SENP6: variants seen among roughly 807,000 people sequenced by gnomAD.
SENP6 encodes the protein SUMO specific peptidase 6.
SENP6 carries 41 observed loss-of-function variants against 134.5 expected under a neutral mutation model. The observed-to-expected ratio is 0.30, with a 90% CI of 0.24 to 0.40. The LOEUF (loss-of-function observed/expected upper bound fraction) is 0.40. Among genes scored for constraint, SENP6 ranks in the 10% least tolerant of loss-of-function variants. The pLI is 1.00. For synonymous variants in SENP6, 395 were observed against 429.8 expected (o/e 0.92, Z 1.00); for missense variants, 1,248 against 1,312.5 (o/e 0.95, Z 0.76).
chr6:75,697,440 G>A lies in SENP6; in HGVS notation c.2211G>A (p.Arg737=). 1 of 1,611,848 alleles carries A rather than the reference G, an allele frequency of 6.2e-7. No individual in the cohort carries two copies. Among genetic ancestry groups the A allele is most frequent in the African/African-American group, 1.3e-5 (1 of 74,966 alleles). Residue 737 remains arginine (R), a synonymous_variant, in exon 18 of 24, where the codon CGG becomes CGA. Transcript: ENST00000447266. ...TTTCTTACAGAATACAGCAAAAACG[G>A]CATGGGAGAGTAAAAACATGGACCC... ...ETTNLSIQQK[R]HGRVKTWTRH...
chr6:75,675,913 T>C lies in SENP6; in HGVS notation c.1480T>C (p.Cys494Arg). 6.2e-7 allele frequency: 1 copy of C among 1,611,460 alleles called. No individual in the cohort carries two copies. Among genetic ancestry groups the C allele is most frequent in the Non-Finnish European group, 8.5e-7 (1 of 1,179,020 alleles). The part of the protein sequence containing the change: ...IILNTSDLTK[C>R]EWCNVRKLPV... ...ATTAAATACCTCTGATCTAACTAAA[T>C]GTGAATGGTGTAATGTCCGAAAATT... Residue 494 changes from cysteine to arginine, a missense_variant, in exon 13 of 24, where the codon TGT becomes CGT. Transcript: ENST00000447266.
At chr6:75,637,454 T>C (rs879848921) in intron 5 of SENP6, among the ~76,000 whole-genome samples, 3 of 152,166 alleles carry the variant, frequency 2.0e-5, no homozygotes, top group Non-Finnish European at 4.4e-5. Context: ...ATTCCAAATG[T>C]TAAATTCATA....
intron 3 of SENP6, among the ~76,000 whole-genome samples, chr6:75,631,928 A>G (rs1769141644): frequency 6.6e-6 from 1 of 152,212 alleles, no homozygotes; most frequent in African/African-American, 2.4e-5. Flanking sequence ...AGCATTGATG[A>G]AACCATTCCA....
chr6:75,652,697 A>AAAAAAAG (rs1770983347), intron 7 of SENP6, among the ~76,000 whole-genome samples: 1 of 147,904 alleles, frequency 6.8e-6, no homozygotes, highest in East Asian at 2.4e-4. Flanking sequence ...AAAAAAAAAA[A>AAAAAAAG]AAAAAAGAAA....
At chr6:75,677,291 A>G (rs772698969) in intron 14 of SENP6, 35 bp downstream of exon 14, 1 of 1,365,046 alleles carries the variant, frequency 7.3e-7, no homozygotes, top group African/African-American at 1.5e-5. Flanking sequence ...ATATTCTTAA[A>G]TTGTGGGTAG....
rs989139171 is a variant in SENP6, at chr6:75,678,874, C to G, written c.2022C>G (p.His674Gln). The change falls in exon 16 of 24, where the codon CAC becomes CAG. Residue 674 changes from histidine to glutamine, a missense_variant. Transcript: ENST00000447266. Reference sequence around the variant, plus strand: ...TCTCTGTTACCAATGAGGACCTGCACTGTCTAAATGAAGGAGAATTTTTAA... The same window carrying G: ...TCTCTGTTACCAATGAGGACCTGCAGTGTCTAAATGAAGGAGAATTTTTAA... ...GGISVTNEDL[H>Q]CLNEGEFLND... The G allele has an allele frequency of 6.2e-7, 1 of 1,605,744 alleles. No individual in the cohort carries two copies. Among genetic ancestry groups the G allele is most frequent in the Non-Finnish European group, 8.5e-7 (1 of 1,173,822 alleles).
At chr6:75,668,192 C>T (rs1772394937) in intron 10 of SENP6, among the ~76,000 whole-genome samples, 1 of 152,124 alleles carries the variant, frequency 6.6e-6, no homozygotes, top group South Asian at 2.1e-4. Flanking sequence ...CCCAGGCTGG[C>T]ATTACAGGTG....
chr6:75,667,099 C>T (rs1772300854), intron 10 of SENP6, among the ~76,000 whole-genome samples, 158 bp downstream of exon 10: 1 of 151,974 alleles, frequency 6.6e-6, no homozygotes, highest in South Asian at 2.1e-4. Context: ...AACATTAAGC[C>T]ATATACAAAA....
chr6:75,711,490 T>C, intron 21 of SENP6, 74 bp downstream of exon 21: 1 of 942,852 alleles, frequency 1.1e-6, no homozygotes, highest in South Asian at 2.0e-5. Context: ...GGACAGTTTT[T>C]TTTTTAAATA....
chr6:75,706,731 C>T (rs1285252318), intron 19 of SENP6, among the ~76,000 whole-genome samples: 1 of 152,068 alleles, frequency 6.6e-6, no homozygotes, highest in Non-Finnish European at 1.5e-5. Flanking sequence ...AAATGTTTCA[C>T]AAAAAATCAC....
At chr6:75,615,819 C>G (rs377365832) in intron 1 of SENP6, among the ~76,000 whole-genome samples, 3 of 152,306 alleles carry the variant, frequency 2.0e-5, no homozygotes, top group Non-Finnish European at 4.4e-5. Flanking sequence ...GCGAAGCCTT[C>G]TGAGCCTGAG....
chr6:75,678,227 A>C lies in SENP6; in HGVS notation c.1849-356A>C, dbSNP rs189776599. 26 of 198,064 alleles carry C rather than the reference A, an allele frequency of 1.3e-4. No individual in the cohort carries two copies. In the East Asian group the frequency reaches 3.1e-3, roughly 24 times the overall value. The allele number at this position is 198,064 out of a possible 1,614,324, so 12.3% of individuals were successfully genotyped here. A position where few individuals can be genotyped will look rare whatever the true frequency, so the allele number is the denominator to read the frequency against. On this transcript the variant is annotated intron_variant, in intron 14 of 23. Coordinates refer to ENST00000447266, the MANE Select transcript of SENP6 (RefSeq NM_015571.4). ...CCCTGAGCCTCTGCCCCTACATCTTATAGATTGCCTAGCCATTGAACTAAG... is the reference window on the plus strand; with the variant it reads ...CCCTGAGCCTCTGCCCCTACATCTTCTAGATTGCCTAGCCATTGAACTAAG...
At chr6:75,656,942 C>T (rs1771386715) in intron 7 of SENP6, among the ~76,000 whole-genome samples, 1 of 152,088 alleles carries the variant, frequency 6.6e-6, no homozygotes, top group South Asian at 2.1e-4. Context: ...GAAAATGTGA[C>T]ATAGACATGA....
At position 75,602,564 on chromosome 6, in the gene SENP6, A is replaced by G. The variant is rs2149813901; in HGVS notation, c.40A>G (p.Thr14Ala). The G allele has an allele frequency of 1.9e-6, 3 of 1,551,472 alleles. No individual in the cohort carries two copies. The highest frequency in any genetic ancestry group is 1.4e-5 in the African/African-American group (1 of 73,170). The change falls in exon 1 of 24, where the codon ACT (threonine) becomes GCT (alanine). Residue 14 changes from threonine to alanine, a missense_variant. Coordinates refer to ENST00000447266, the MANE Select transcript of SENP6 (RefSeq NM_015571.4). ...GKSGGSAGEITFLEALARSES... is the reference protein window; with the variant it reads ...GKSGGSAGEIAFLEALARSES... ...GAGCGGCGGTAGCGCAGGGGAGATTACTTTTCTGGAAGGTACGTCTGTTTC... is the reference window on the plus strand; with the variant it reads ...GAGCGGCGGTAGCGCAGGGGAGATTGCTTTTCTGGAAGGTACGTCTGTTTC...
At chr6:75,604,949 T>C (rs952657544) in intron 1 of SENP6, among the ~76,000 whole-genome samples, 2 of 152,058 alleles carry the variant, frequency 1.3e-5, no homozygotes, top group African/African-American at 4.8e-5. Context: ...GGCGCGCGCC[T>C]GTAATCCCAA....
rs200427934 is a variant in SENP6 at position 75,639,381 on chromosome 6, AT to A, written c.459-1295del. Among the ~76,000 whole-genome samples, 1,443 of 152,008 alleles carry A rather than the reference AT, an allele frequency of 9.5e-3. 23 individuals are homozygous for A. Among genetic ancestry groups the A allele is most frequent in the African/African-American group, 0.033 (1,378 of 41,480 alleles). On this transcript the variant is annotated intron_variant, in intron 5 of 23. Transcript: ENST00000447266. ...TTATAATATTCTTTTCCTTTTGAAA[AT>A]TTTTTTTAAATTTGTATATTTTTAA...
At chr6:75,697,620 C>T in intron 18 of SENP6, 103 bp downstream of exon 18, 1 of 759,406 alleles carries the variant, frequency 1.3e-6, no homozygotes, top group Non-Finnish European at 2.2e-6. Flanking sequence ...AAACATCTTT[C>T]TGAAATCTCT....
chr6:75,683,773 A>C (rs1186754738), intron 16 of SENP6, among the ~76,000 whole-genome samples: 1 of 152,166 alleles, frequency 6.6e-6, no homozygotes, highest in Non-Finnish European at 1.5e-5. Flanking sequence ...TTTTGGTACC[A>C]GTACCATGCT....
intron 8 of SENP6, among the ~76,000 whole-genome samples, chr6:75,662,573 T>G (rs945698895): frequency 6.6e-6 from 1 of 152,214 alleles, no homozygotes; most frequent in African/African-American, 2.4e-5. Context: ...AATGTTAATC[T>G]CTAGTTTTTA....
Sources: allele counts gnomAD v4.1 joint callset (sites outside exome capture counted in the v4.1 genomes callset), GRCh38; gene constraint gnomAD v4.1.1; transcripts MANE v1.5; gene names NCBI Gene and HGNC (gene_info 2026-07-23, HGNC 2026-07-21).